KDM4B: variants seen among roughly 807,000 people sequenced by gnomAD.
The protein encoded by KDM4B is lysine demethylase 4B, also known as lysine-specific demethylase 4B.
Under a neutral mutation model 125.2 loss-of-function variants are expected in KDM4B, and 32 were observed. The ratio of observed to expected loss-of-function variants is 0.26; its 90% confidence interval spans 0.19 to 0.34. The LOEUF (loss-of-function observed/expected upper bound fraction) is 0.34. KDM4B is among the 10% of genes least tolerant of loss of function. The pLI, the probability that KDM4B is intolerant of heterozygous loss-of-function variation, is 1.00. For missense variants in KDM4B, 1,190 were observed against 1,577.7 expected (o/e 0.75, Z 4.16); for synonymous variants, 721 against 677.9 (o/e 1.06, Z -0.99).
intron 1 of KDM4B, among the ~76,000 whole-genome samples, chr19:5,003,608 A>G (rs894292990): frequency 2.0e-5 from 3 of 152,044 alleles, no homozygotes; most frequent in Admixed American, 2.0e-4. Context: ...CAGGAATTTG[A>G]GACCAGCCTG....
chr19:5,041,633 G>A (rs967342814), intron 5 of KDM4B, among the ~76,000 whole-genome samples: 12 of 152,344 alleles, frequency 7.9e-5, no homozygotes, highest in Middle Eastern at 3.4e-3. Flanking sequence ...GCTCCAACCC[G>A]GTCCTGACTT....
At chr19:5,134,102 AG>A in intron 14 of KDM4B, 41 bp downstream of exon 14, 1 of 1,547,670 alleles carries the variant, frequency 6.5e-7, no homozygotes, top group Non-Finnish European at 8.7e-7. Flanking sequence ...AACCCCAGGC[AG>A]GGGCGGTGGG....
intron 10 of KDM4B, chr19:5,113,388 G>A (rs1321343065): frequency 6.7e-6 from 1 of 150,236 alleles, no homozygotes; most frequent in Non-Finnish European, 1.5e-5. Flanking sequence ...TGGAGAGGCA[G>A]ATGGGTGACT....
At chr19:5,031,500 G>A (rs1327785390) in intron 2 of KDM4B, among the ~76,000 whole-genome samples, 1 of 152,252 alleles carries the variant, frequency 6.6e-6, no homozygotes, top group Admixed American at 6.5e-5. Flanking sequence ...TGGCGGGCAG[G>A]GCCTCAGCCC....
At chr19:5,002,572 T>A (rs1403147103) in intron 1 of KDM4B, among the ~76,000 whole-genome samples, 1 of 151,186 alleles carries the variant, frequency 6.6e-6, no homozygotes, top group Non-Finnish European at 1.5e-5. Context: ...CACGCTGGTC[T>A]CAAACTCCTG....
chr19:5,105,984 C>T (rs997745555), intron 9 of KDM4B, among the ~76,000 whole-genome samples: 3 of 152,314 alleles, frequency 2.0e-5, no homozygotes, highest in South Asian at 2.1e-4. Context: ...AAATAAGTAG[C>T]GCAGAAGTGT....
In KDM4B at chr19:4,997,830, G is replaced by C. The variant is rs2035251512; in HGVS notation, c.-108-18427G>C. On this transcript the variant is annotated intron_variant, in intron 1 of 22. Transcript: ENST00000159111. This position sits in a 1 kb window ranked among gnomAD's most constrained non-coding sequence, Gnocchi z 4.2. ...CCAGAAAGACGGTGACACTCCAGGA[G>C]GTTGCTAGACCTGGCGGGCCCCAGG... is the stretch of plus-strand genomic sequence containing the variant. 6.6e-6 allele frequency among the ~76,000 whole-genome samples: 1 copy of C among 152,266 alleles called. No individual in the cohort carries two copies. The highest frequency in any genetic ancestry group is 1.5e-5 in the Non-Finnish European group (1 of 68,050).
chr19:5,103,957 C>T (rs1226256351), intron 9 of KDM4B, among the ~76,000 whole-genome samples: 2 of 152,234 alleles, frequency 1.3e-5, no homozygotes, highest in Non-Finnish European at 2.9e-5. Context: ...TGAGTAGCTT[C>T]CGAGCTCCTG....
intron 1 of KDM4B, among the ~76,000 whole-genome samples, chr19:4,969,881 G>T (rs1018315709): frequency 1.1e-4 from 17 of 150,154 alleles, no homozygotes; most frequent in South Asian, 6.3e-4. Flanking sequence ...ATAAGCATAT[G>T]CAATCTGGAT....
chr19:5,073,920 C>T (rs1281100018), intron 7 of KDM4B, among the ~76,000 whole-genome samples: 2 of 152,168 alleles, frequency 1.3e-5, no homozygotes, highest in Non-Finnish European at 2.9e-5. Flanking sequence ...AGTTCAAGAC[C>T]AGCCTCAGGA....
At chr19:5,110,968 C>T in intron 10 of KDM4B, 150 bp downstream of exon 10, 1 of 637,524 alleles carries the variant, frequency 1.6e-6, no homozygotes, top group East Asian at 2.8e-5. Context: ...CTCTTTCGTC[C>T]TCCTCCTCCT....
At chr19:5,090,061 G>A (rs1157973507) in intron 9 of KDM4B, among the ~76,000 whole-genome samples, 1 of 152,108 alleles carries the variant, frequency 6.6e-6, no homozygotes, top group Non-Finnish European at 1.5e-5. Flanking sequence ...CCAAAGCCTG[G>A]CCCCCTTCCT....
chr19:5,128,932 C>G (rs1308692275), intron 11 of KDM4B, among the ~76,000 whole-genome samples: 1 of 151,988 alleles, frequency 6.6e-6, no homozygotes, highest in Non-Finnish European at 1.5e-5. Context: ...CCTGCAAGGC[C>G]AGACAGGACC....
At chr19:4,989,978 T>C (rs936706600) in intron 1 of KDM4B, among the ~76,000 whole-genome samples, 4 of 152,128 alleles carry the variant, frequency 2.6e-5, no homozygotes, top group Admixed American at 6.5e-5. Flanking sequence ...TGTCATCCCT[T>C]GTTAATTTCC....
At chr19:5,047,189 A>T (rs1371656697) in intron 5 of KDM4B, 1 of 382,232 alleles carries the variant, frequency 2.6e-6, no homozygotes, top group Admixed American at 4.2e-5. Flanking sequence ...CTATAGTCCC[A>T]GGTACTCAGG....
At chr19:5,148,966 G>A (rs111671531) in intron 21 of KDM4B, among the ~76,000 whole-genome samples, 394 of 152,318 alleles carry the variant, frequency 2.6e-3, no homozygotes, top group African/African-American at 9.0e-3. Context: ...CCCAGGACAC[G>A]GCCCAGAGGC....
intron 9 of KDM4B, among the ~76,000 whole-genome samples, chr19:5,093,609 C>G (rs147242714): frequency 3.3e-5 from 5 of 152,240 alleles, no homozygotes; most frequent in African/African-American, 1.2e-4. Flanking sequence ...GAGCCATCAG[C>G]GCAGATGCGG....
chr19:5,150,135 G>C (rs901826347), intron 21 of KDM4B, among the ~76,000 whole-genome samples: 2 of 152,220 alleles, frequency 1.3e-5, no homozygotes, highest in East Asian at 1.9e-4. Flanking sequence ...AGGCTGTCCC[G>C]TCCTCCGTCA....
chr19:5,069,251 G>A (rs2613767), intron 6 of KDM4B, among the ~76,000 whole-genome samples: 48 of 152,276 alleles, frequency 3.2e-4, no homozygotes, highest in African/African-American at 1.1e-3. Flanking sequence ...TAGAGGCTCC[G>A]TGATGTTCGC....
Sources: gnomAD v4.1 joint callset for allele counts (sites outside exome capture counted in the v4.1 genomes callset) on GRCh38, gnomAD v4.1.1 for gene constraint, Gnocchi (gnomAD v3.1) non-coding constraint, MANE v1.5 for transcripts, NCBI Gene and HGNC (gene_info 2026-07-23, HGNC 2026-07-21) for gene names.